Variants in AQP1 observed in about 807,000 individuals in gnomAD.
AQP1 encodes aquaporin-1.
AQP1 carries 11 observed loss-of-function variants against 19.7 expected under a neutral mutation model. The ratio of observed to expected loss-of-function variants is 0.56; its 90% confidence interval spans 0.35 to 0.92. AQP1 has a LOEUF of 0.92. AQP1 is among the 40% of genes least tolerant of loss of function. AQP1 has a pLI of 0.01. For missense variants in AQP1, 320 were observed against 369.7 expected (o/e 0.87, Z 1.10); for synonymous variants, 159 against 166.7 (o/e 0.95, Z 0.36).
chr7:30,922,697 C>T, intron 3 of AQP1, 53 bp downstream of exon 3: 2 of 1,513,722 alleles, frequency 1.3e-6, no homozygotes, highest in Non-Finnish European at 1.8e-6. Flanking sequence ...CATGGTAAGC[C>T]TGACCCCACC....
intron 1 of AQP1, among the ~76,000 whole-genome samples, chr7:30,917,234 C>T (rs1016135482): frequency 6.6e-6 from 1 of 152,180 alleles, no homozygotes; most frequent in African/African-American, 2.4e-5. Context: ...CACATGTGCT[C>T]TTACGTGGAG....
intron 1 of AQP1, among the ~76,000 whole-genome samples, chr7:30,917,075 C>T (rs1002490923): frequency 1.4e-4 from 21 of 152,116 alleles, no homozygotes; most frequent in African/African-American, 4.3e-4. Context: ...TGCGGGGGCT[C>T]GAATCTGGGC....
chr7:30,916,363 T>G (rs866664540), intron 1 of AQP1, among the ~76,000 whole-genome samples: 1 of 152,346 alleles, frequency 6.6e-6, no homozygotes, highest in African/African-American at 2.4e-5. Context: ...CCACTTAGTC[T>G]AGGGCCCCCA....
At position 30,923,205 on chromosome 7, in the gene AQP1, G is replaced by C. The variant is rs574533894; in HGVS notation, c.631-245G>C. ...GGGGCAGTGGCCTTCCTCAAGAAGGGGCTGCTACTGCCCATGCCTGAGCTG... is the reference window on the plus strand; with the variant it reads ...GGGGCAGTGGCCTTCCTCAAGAAGGCGCTGCTACTGCCCATGCCTGAGCTG... On this transcript the variant is annotated intron_variant, in intron 3 of 3. Transcript: ENST00000311813. This position sits in a 1 kb window ranked among gnomAD's most constrained non-coding sequence, Gnocchi z 4.8. Among the ~76,000 whole-genome samples, 1 of 152,252 alleles carries C rather than the reference G, an allele frequency of 6.6e-6. No individual in the cohort carries two copies. Among genetic ancestry groups the C allele is most frequent in the Non-Finnish European group, 1.5e-5 (1 of 68,042 alleles).
At chr7:30,920,020 C>A (rs1390097827) in intron 1 of AQP1, among the ~76,000 whole-genome samples, 1 of 152,132 alleles carries the variant, frequency 6.6e-6, no homozygotes, top group Non-Finnish European at 1.5e-5. Context: ...GAGTACAGGG[C>A]CTGGAACTAT....
chr7:30,921,893 A>AT (rs1791512207), intron 1 of AQP1, 173 bp from the exon 2 acceptor site: 2 of 1,527,530 alleles, frequency 1.3e-6, no homozygotes, highest in East Asian at 4.9e-5. Context: ...TCAAGGCCTG[A>AT]TTTCCACTAC....
rs973132957 is a variant in AQP1 at position 30,924,269 on chromosome 7, G to C, written c.*640G>C. The C allele has an allele frequency of 2.8e-6, 1 of 360,254 alleles. No individual in the cohort carries two copies. The highest frequency in any genetic ancestry group is 2.1e-5 in the African/African-American group (1 of 47,384). The allele number at this position is 360,254 out of a possible 1,614,324, so 22.3% of individuals were successfully genotyped here. On this transcript the variant is annotated 3_prime_UTR_variant, in exon 4 of 4. Coordinates refer to ENST00000311813, the MANE Select transcript of AQP1 (RefSeq NM_198098.4). Reference sequence around the variant, plus strand: ...AGCTCTACAGGCCTGCAGCCCCTAAGTGCAAACACAGCATGGGTCCAGAAG... The same window carrying C: ...AGCTCTACAGGCCTGCAGCCCCTAACTGCAAACACAGCATGGGTCCAGAAG...
chr7:30,915,873 A>G (rs1791335584), intron 1 of AQP1, among the ~76,000 whole-genome samples: 1 of 152,112 alleles, frequency 6.6e-6, no homozygotes, highest in African/African-American at 2.4e-5. Flanking sequence ...TCCAGAGCTC[A>G]GGGGAGGGAT....
At chr7:30,922,665 G>A in intron 3 of AQP1, 21 bp downstream of exon 3, 1 of 1,608,568 alleles carries the variant, frequency 6.2e-7, no homozygotes, top group Non-Finnish European at 8.5e-7. Context: ...CACGGGGGGT[G>A]GGGTGGGAAG....
intron 1 of AQP1, among the ~76,000 whole-genome samples, chr7:30,919,375 G>A (rs1791437473): frequency 6.6e-6 from 1 of 152,148 alleles, no homozygotes; most frequent in Non-Finnish European, 1.5e-5. Context: ...GTCTGAACTG[G>A]GCCTTGAGTA....
intron 1 of AQP1, among the ~76,000 whole-genome samples, chr7:30,919,556 CTT>C (rs138132377): frequency 0.18 from 25,376 of 138,376 alleles, 1,947 homozygotes; most frequent in Middle Eastern, 0.22. Context: ...CTGATTCTTA[CTT>C]TTTTTTTTTT....
At position 30,918,035 on chromosome 7, in the gene AQP1, C is replaced by T. The variant is rs28362719; in HGVS notation, c.385-4031C>T. Reference sequence around the variant, plus strand: ...TTTGAGACGGAGTCTCACTCTGTCGCCCAGGCTGGAGTGCAGTGGCACCAT... The same window carrying T: ...TTTGAGACGGAGTCTCACTCTGTCGTCCAGGCTGGAGTGCAGTGGCACCAT... On this transcript the variant is annotated intron_variant, in intron 1 of 3. Transcript: ENST00000311813. 3.5e-3 allele frequency among the ~76,000 whole-genome samples: 538 copies of T among 151,646 alleles called. 3 individuals carry two copies. Among genetic ancestry groups the T allele is most frequent in the Non-Finnish European group, 5.8e-3 (396 of 67,978 alleles).
Position 30,925,354 on chromosome 7 carries a change from G to T in AQP1, c.*1725G>T, listed in dbSNP as rs1791651100. The T allele has an allele frequency of 2.0e-5, 3 of 152,216 alleles. No homozygotes were observed. Among genetic ancestry groups the T allele is most frequent in the African/African-American group, 4.8e-5 (2 of 41,416 alleles). 9.4% of individuals were successfully genotyped at this position (152,216 alleles called of 1,614,324 possible). On this transcript the variant is annotated 3_prime_UTR_variant, in exon 4 of 4. Transcript: ENST00000311813. ...TGGGCAATGGCCAGGGGCCAGGAGT[G>T]GGGAGAGTTGTGATGGAGGGGAGAG...
chr7:30,923,494 C>A lies in AQP1; in HGVS notation c.675C>A (p.Leu225=). The A allele has an allele frequency of 6.2e-7, 1 of 1,614,100 alleles. No homozygotes were observed. The highest frequency in any genetic ancestry group is 8.5e-7 in the Non-Finnish European group (1 of 1,180,006). The change falls in exon 4 of 4, where the codon CTC becomes CTA. Residue 225 remains leucine (L), a synonymous_variant. Coordinates refer to ENST00000311813, the MANE Select transcript of AQP1 (RefSeq NM_198098.4). The surrounding 1 kb of genome is among the most constrained non-coding windows in gnomAD (Gnocchi z 4.8). ...GPFIGGALAV[L]IYDFILAPRS... The stretch of plus-strand genomic sequence containing the variant: ...TCATCGGGGGAGCCCTGGCTGTACT[C>A]ATCTACGACTTCATCCTGGCCCCAC...
rs749008815 is a variant in AQP1, at chr7:30,923,519, C to G, written c.700C>G (p.Arg234Gly). The G allele has an allele frequency of 6.2e-7, 1 of 1,614,018 alleles. No individual in the cohort carries two copies. The highest frequency in any genetic ancestry group is 1.7e-5 in the Admixed American group (1 of 60,010). ...VLIYDFILAP[R>G]SSDLTDRVKV... ...CATCTACGACTTCATCCTGGCCCCA[C>G]GCAGCAGTGACCTCACAGACCGCGT... Residue 234 changes from arginine (R) to glycine (G), a missense_variant, in exon 4 of 4, where the codon CGC (arginine) becomes GGC (glycine). Coordinates refer to ENST00000311813, the MANE Select transcript of AQP1 (RefSeq NM_198098.4). This position sits in a 1 kb window ranked among gnomAD's most constrained non-coding sequence, Gnocchi z 4.8.
At chr7:30,921,404 GAGA>G (rs1229817486) in intron 1 of AQP1, 3 of 1,423,438 alleles carry the variant, frequency 2.1e-6, no homozygotes, top group Admixed American at 2.9e-5. Flanking sequence ...AGGAAGAAGA[GAGA>G]AGGAGAGACA....
chr7:30,922,285 G>A (rs903616230), intron 2 of AQP1, 55 bp downstream of exon 2: 30 of 1,533,578 alleles, frequency 2.0e-5, no homozygotes, highest in Non-Finnish European at 2.5e-5. Flanking sequence ...GGGGGCTGGT[G>A]GGGTGCCCTG....
At chr7:30,921,211 G>A in intron 1 of AQP1, 1 of 1,041,174 alleles carries the variant, frequency 9.6e-7, no homozygotes, top group South Asian at 3.8e-5. Context: ...GCTTCCTGGG[G>A]AGGGGTCCTC....
intron 1 of AQP1, among the ~76,000 whole-genome samples, chr7:30,914,860 T>C (rs976155328): frequency 6.6e-6 from 1 of 152,240 alleles, no homozygotes; most frequent in African/African-American, 2.4e-5. Context: ...AACTTTCTCC[T>C]GACTGACTCA....
Sources: gnomAD v4.1 joint callset for allele counts (sites outside exome capture counted in the v4.1 genomes callset) on GRCh38, gnomAD v4.1.1 for gene constraint, Gnocchi (gnomAD v3.1) non-coding constraint, MANE v1.5 for transcripts, NCBI Gene and HGNC (gene_info 2026-07-23, HGNC 2026-07-21) for gene names.